CDH13: variants seen among roughly 807,000 people sequenced by gnomAD.
CDH13 encodes the protein cadherin-13.
A neutral mutation model predicts 63.8 loss-of-function variants in CDH13; 24 were observed. The observed-to-expected ratio is 0.38, with a 90% CI of 0.27 to 0.53. The LOEUF (loss-of-function observed/expected upper bound fraction) is 0.53. Among genes scored for constraint, CDH13 ranks in the 20% least tolerant of loss-of-function variants. The probability of loss-of-function intolerance (pLI) is 0.85; values close to 1 mark genes in which losing one functional copy is unlikely to be tolerated. For synonymous variants in CDH13, 503 were observed against 355.3 expected, an observed-to-expected ratio of 1.42 and a Z score of -4.67; for missense variants, 1,049 against 903.1, an observed-to-expected ratio of 1.16 and a Z score of -2.07.
At chr16:83,266,791 G>A (rs1907675723) in intron 5 of CDH13, among the ~76,000 whole-genome samples, 1 of 152,108 alleles carries the variant, frequency 6.6e-6, no homozygotes, top group Non-Finnish European at 1.5e-5. Flanking sequence ...CTTTTCTTCT[G>A]GAATCCTCTC....
intron 2 of CDH13, among the ~76,000 whole-genome samples, chr16:82,915,813 C>G (rs1242974307): frequency 6.7e-6 from 1 of 149,830 alleles, no homozygotes; most frequent in Non-Finnish European, 1.5e-5. Flanking sequence ...TGACATACAC[C>G]CTCTACAAAA....
At chr16:83,563,210 C>G in intron 7 of CDH13, among the ~76,000 whole-genome samples, 1 of 152,230 alleles carries the variant, frequency 6.6e-6, no homozygotes, top group East Asian at 1.9e-4. Flanking sequence ...TCTTAGGAGT[C>G]TCCAACAGAG....
chr16:83,256,959 G>A (rs1906371205), intron 5 of CDH13, among the ~76,000 whole-genome samples: 1 of 151,968 alleles, frequency 6.6e-6, no homozygotes, highest in Admixed American at 6.6e-5. Context: ...CTATATGTTG[G>A]GGCCTGCATG....
chr16:82,712,721 A>T (rs2032046866), intron 1 of CDH13, among the ~76,000 whole-genome samples: 1 of 151,882 alleles, frequency 6.6e-6, no homozygotes, highest in South Asian at 2.1e-4. Flanking sequence ...GACTCCCTGA[A>T]CTCTTCTTAT....
chr16:83,453,238 G>T (rs954750666), intron 6 of CDH13, among the ~76,000 whole-genome samples: 3 of 152,036 alleles, frequency 2.0e-5, no homozygotes, highest in Non-Finnish European at 4.4e-5. Flanking sequence ...AGTGTATGAG[G>T]GATAAAAGAC....
chr16:82,867,619 C>T (rs1260781904), intron 2 of CDH13, among the ~76,000 whole-genome samples: 1 of 152,134 alleles, frequency 6.6e-6, no homozygotes, highest in East Asian at 1.9e-4. Flanking sequence ...CATATTTGTA[C>T]TTAACATACA....
At chr16:82,909,887 T>C (rs551176858) in intron 2 of CDH13, among the ~76,000 whole-genome samples, 1 of 152,322 alleles carries the variant, frequency 6.6e-6, no homozygotes, top group South Asian at 2.1e-4. Flanking sequence ...CATACACATG[T>C]GGTGGACATT....
chr16:82,970,071 A>G (rs1254236546), intron 2 of CDH13, among the ~76,000 whole-genome samples: 1 of 151,958 alleles, frequency 6.6e-6, no homozygotes, highest in East Asian at 1.9e-4. Flanking sequence ...ATTTCTCCTA[A>G]TGCTATCCCT....
intron 7 of CDH13, among the ~76,000 whole-genome samples, chr16:83,511,099 CACATGCACGCATGCACACACATGCACAT>C (rs1411752317): frequency 8.0e-5 from 9 of 112,674 alleles, no homozygotes; most frequent in Non-Finnish European, 1.4e-4. Context: ...CACACATGCA[CACATGCACGCATGCACACACATGCACAT>C]GTGCACACAT....
chr16:82,920,769 A>T (rs1041601425), intron 2 of CDH13, among the ~76,000 whole-genome samples: 30 of 152,180 alleles, frequency 2.0e-4, no homozygotes, highest in Non-Finnish European at 8.8e-5. Context: ...ATCAGACAGA[A>T]GGGTTAAGAA....
At chr16:83,030,639 T>TGAAAA in intron 2 of CDH13, among the ~76,000 whole-genome samples, 2 of 58,296 alleles carry the variant, frequency 3.4e-5, no homozygotes, top group Admixed American at 1.7e-4. Context: ...CAAGACTCTG[T>TGAAAA]TAAAAAAAAA....
chr16:83,568,476 T>C (rs967414040), intron 7 of CDH13, among the ~76,000 whole-genome samples: 1 of 152,236 alleles, frequency 6.6e-6, no homozygotes, highest in African/African-American at 2.4e-5. Context: ...CACTGAGTTA[T>C]TGATGAATCA....
rs577936712 is a variant in CDH13 at position 83,189,039 on chromosome 16, A to G, written c.484-28306A>G. On this transcript the variant is annotated intron_variant, in intron 4 of 13. Transcript: ENST00000567109. ...TGCATTAGTAATATGGGCATGGTGC[A>G]TTTTCTGTATTTATTAGCTATGTTT... 7.2e-5 allele frequency among the ~76,000 whole-genome samples: 11 copies of G among 152,268 alleles called. No individual in the cohort carries two copies. In the South Asian group the frequency reaches 2.3e-3, roughly 32 times the overall value.
intron 8 of CDH13, among the ~76,000 whole-genome samples, chr16:83,631,384 G>C (rs947551729): frequency 2.0e-5 from 3 of 152,146 alleles, no homozygotes; most frequent in Non-Finnish European, 2.9e-5. Context: ...CGGTGGCCCT[G>C]TTGCTTGGAG....
intron 5 of CDH13, among the ~76,000 whole-genome samples, chr16:83,249,359 G>T (rs988154635): frequency 4.6e-5 from 7 of 152,154 alleles, no homozygotes; most frequent in African/African-American, 1.7e-4. Context: ...CTTCACCATG[G>T]CAATGGGCAA....
intron 8 of CDH13, among the ~76,000 whole-genome samples, chr16:83,603,364 C>A (rs1199963545): frequency 1.3e-5 from 2 of 152,204 alleles, no homozygotes; most frequent in Non-Finnish European, 2.9e-5. Flanking sequence ...AGAGTCTTTA[C>A]TGTATCTACC....
At chr16:83,714,417 C>T (rs1157179421) in intron 10 of CDH13, among the ~76,000 whole-genome samples, 1 of 152,184 alleles carries the variant, frequency 6.6e-6, no homozygotes, top group East Asian at 1.9e-4. Context: ...GACCGCATAC[C>T]TAGCTATGCT....
At chr16:83,142,030 T>C (rs2151677215) in intron 4 of CDH13, among the ~76,000 whole-genome samples, 1 of 152,308 alleles carries the variant, frequency 6.6e-6, no homozygotes, top group East Asian at 1.9e-4. Context: ...CCAGTACAAG[T>C]TTCCCACCTG....
chr16:83,151,358 GTCTTC>G (rs2036971918), intron 4 of CDH13, among the ~76,000 whole-genome samples: 1 of 152,136 alleles, frequency 6.6e-6, no homozygotes, highest in African/African-American at 2.4e-5. Context: ...TGCTTCTTCT[GTCTTC>G]TCTGTGCCCC....
Sources: allele counts gnomAD v4.1 joint callset (sites outside exome capture counted in the v4.1 genomes callset), GRCh38; gene constraint gnomAD v4.1.1; transcripts MANE v1.5; gene names NCBI Gene and HGNC (gene_info 2026-07-23, HGNC 2026-07-21).